PTPRJ: variants seen among roughly 807,000 people sequenced by gnomAD.
PTPRJ encodes the protein receptor-type tyrosine-protein phosphatase eta.
Under a neutral mutation model 141.3 loss-of-function variants are expected in PTPRJ, and 129 were observed. The ratio of observed to expected loss-of-function variants is 0.91; its 90% confidence interval spans 0.79 to 1.06. The LOEUF is 1.06. Ranked by LOEUF, PTPRJ falls within the 50% of genes least tolerant of loss-of-function variation. The pLI is 0.00. For synonymous variants in PTPRJ, 610 were observed against 640.5 expected (o/e 0.95, Z 0.72); for missense variants, 1,601 against 1,679.7 (o/e 0.95, Z 0.82).
chr11:48,084,109 G>T (rs1197297507), intron 1 of PTPRJ, among the ~76,000 whole-genome samples: 2 of 152,202 alleles, frequency 1.3e-5, no homozygotes, highest in Non-Finnish European at 2.9e-5. Context: ...TGCTGCGTTG[G>T]TGTAAAATGA....
chr11:48,039,008 G>C (rs1421843926), intron 1 of PTPRJ, among the ~76,000 whole-genome samples: 1 of 151,558 alleles, frequency 6.6e-6, no homozygotes, highest in Non-Finnish European at 1.5e-5. Flanking sequence ...AAATTAGCTG[G>C]GTGTGGTGGC....
In PTPRJ at chr11:48,012,589, C is replaced by T. The variant is rs181539438; in HGVS notation, c.96+31581C>T. On this transcript the variant is annotated intron_variant, in intron 1 of 24. Coordinates refer to ENST00000418331, the MANE Select transcript of PTPRJ (RefSeq NM_002843.4). The stretch of plus-strand genomic sequence containing the variant: ...TTCCAGGAGGCAAGAGCAACCCTGG[C>T]GGACTGGTGGAGCTGGGAAGGGAAA... Among the ~76,000 whole-genome samples the T allele has an allele frequency of 3.4e-4, 52 of 152,106 alleles. 1 individual carries two copies. Among genetic ancestry groups the T allele is most frequent in the South Asian group, 4.2e-4 (2 of 4,814 alleles).
At chr11:48,000,369 G>C (rs1854462522) in intron 1 of PTPRJ, among the ~76,000 whole-genome samples, 1 of 150,478 alleles carries the variant, frequency 6.6e-6, no homozygotes, top group African/African-American at 2.5e-5. Flanking sequence ...TGGCCTCCAA[G>C]TCCTGGGCTC....
At chr11:48,127,699 T>C (rs1590535704) in intron 6 of PTPRJ, 81 bp from the exon 7 acceptor site, 1 of 1,459,222 alleles carries the variant, frequency 6.9e-7, no homozygotes, top group Non-Finnish European at 9.5e-7. Flanking sequence ...TTTGCTGGGC[T>C]TGACAGCATG....
At chr11:47,981,032 G>T (rs1853889021) in intron 1 of PTPRJ, 24 bp downstream of exon 1, 2 of 1,211,092 alleles carry the variant, frequency 1.7e-6, no homozygotes, top group East Asian at 3.3e-5. Flanking sequence ...GGGCTCGGGC[G>T]GGGGGCAGGA....
chr11:48,026,993 A>AC, intron 1 of PTPRJ, among the ~76,000 whole-genome samples: 1 of 118,144 alleles, frequency 8.5e-6, no homozygotes, highest in African/African-American at 3.4e-5. Context: ...GTCTTGGAAT[A>AC]CCCTTTTTTT....
At chr11:48,039,892 G>T (rs560624287) in intron 1 of PTPRJ, among the ~76,000 whole-genome samples, 1 of 152,032 alleles carries the variant, frequency 6.6e-6, no homozygotes, top group South Asian at 2.1e-4. Flanking sequence ...GGGTTCAAGC[G>T]ATTCTTCTGC....
chr11:48,062,015 C>T lies in PTPRJ; in HGVS notation c.97-48043C>T, dbSNP rs141940494. On this transcript the variant is annotated intron_variant, in intron 1 of 24. Coordinates refer to ENST00000418331, the MANE Select transcript of PTPRJ (RefSeq NM_002843.4). Reference sequence around the variant, plus strand: ...CAGCCCTTGGGCTCAAACGATCCCCCCACCTCAGCCTCCTGAGTAGCTAGG... The same window carrying T: ...CAGCCCTTGGGCTCAAACGATCCCCTCACCTCAGCCTCCTGAGTAGCTAGG... Among the ~76,000 whole-genome samples the T allele has an allele frequency of 1.8e-4, 27 of 151,830 alleles. No individual in the cohort carries two copies. In the East Asian group the frequency reaches 5.3e-3, roughly 30 times the overall value.
chr11:48,022,680 TG>T (rs1193954657), intron 1 of PTPRJ, among the ~76,000 whole-genome samples: 1 of 152,022 alleles, frequency 6.6e-6, no homozygotes, highest in Non-Finnish European at 1.5e-5. Flanking sequence ...GGGGTGGATG[TG>T]GGGGTAGTGC....
At chr11:48,037,343 T>C (rs1016565608) in intron 1 of PTPRJ, among the ~76,000 whole-genome samples, 1 of 152,118 alleles carries the variant, frequency 6.6e-6, no homozygotes, top group Admixed American at 6.6e-5. Context: ...TTGGTCAAAC[T>C]GGGGAAAAGC....
chr11:48,067,748 T>G (rs1449174338), intron 1 of PTPRJ, among the ~76,000 whole-genome samples: 2 of 152,172 alleles, frequency 1.3e-5, no homozygotes, highest in Non-Finnish European at 2.9e-5. Flanking sequence ...GTCCAACAAG[T>G]GCAGTTCTTC....
At chr11:48,034,540 A>G (rs1386356479) in intron 1 of PTPRJ, among the ~76,000 whole-genome samples, 1 of 152,190 alleles carries the variant, frequency 6.6e-6, no homozygotes, top group Non-Finnish European at 1.5e-5. Context: ...TTGTATAATA[A>G]ATCATTAGAA....
intron 1 of PTPRJ, among the ~76,000 whole-genome samples, chr11:48,057,380 A>G (rs1854783889): frequency 6.6e-6 from 1 of 152,196 alleles, no homozygotes; most frequent in Non-Finnish European, 1.5e-5. Flanking sequence ...ACCACTTAAG[A>G]GAGGCACAGT....
In PTPRJ at chr11:48,167,789, C is replaced by G. The variant is rs1857953633; in HGVS notation, c.*427C>G. On this transcript the variant is annotated 3_prime_UTR_variant, in exon 25 of 25. Transcript: ENST00000418331. ...ATTTTTACCTACTGTGTCTTGGAAT[C>G]TAGCCGATGGAAAATACCTAATTGT... 6.5e-6 allele frequency: 1 copy of G among 153,680 alleles called. No individual in the cohort carries two copies. The highest frequency in any genetic ancestry group is 1.4e-5 in the Non-Finnish European group (1 of 69,258). 9.5% of individuals were successfully genotyped at this position (153,680 alleles called of 1,614,324 possible).
intron 1 of PTPRJ, among the ~76,000 whole-genome samples, chr11:48,020,766 C>G (rs1185901734): frequency 6.6e-6 from 1 of 152,188 alleles, no homozygotes; most frequent in Non-Finnish European, 1.5e-5. Context: ...TGTCCCTACT[C>G]TTCCTCCTGC....
At chr11:48,005,213 C>T (rs1196761952) in intron 1 of PTPRJ, among the ~76,000 whole-genome samples, 6 of 151,114 alleles carry the variant, frequency 4.0e-5, no homozygotes, top group Non-Finnish European at 7.4e-5. Flanking sequence ...CAGAGTGAGA[C>T]TCTATCTTAA....
chr11:48,046,307 C>T (rs1167124097), intron 1 of PTPRJ: 1 of 152,224 alleles, frequency 6.6e-6, no homozygotes, highest in Admixed American at 6.5e-5. Flanking sequence ...CTCCAAATCG[C>T]TTCGCAGAAG....
At chr11:48,063,243 G>A (rs758510956) in intron 1 of PTPRJ, among the ~76,000 whole-genome samples, 9 of 152,104 alleles carry the variant, frequency 5.9e-5, no homozygotes, top group Non-Finnish European at 1.2e-4. Context: ...CAGGAGAATC[G>A]CTTGAATTTG....
At chr11:48,098,018 CT>C (rs1395971833) in intron 1 of PTPRJ, among the ~76,000 whole-genome samples, 12 of 152,130 alleles carry the variant, frequency 7.9e-5, no homozygotes, top group Non-Finnish European at 1.3e-4. Flanking sequence ...GTCACTTTAC[CT>C]TTCTGGGCCT....
Sources: gnomAD v4.1 joint callset for allele counts (sites outside exome capture counted in the v4.1 genomes callset) on GRCh38, gnomAD v4.1.1 for gene constraint, MANE v1.5 for transcripts, NCBI Gene and HGNC (gene_info 2026-07-23, HGNC 2026-07-21) for gene names.